TBXAS1: variants seen among roughly 807,000 people sequenced by gnomAD.
TBXAS1 encodes the protein thromboxane-A synthase.
TBXAS1 carries 48 observed loss-of-function variants against 60.7 expected under a neutral mutation model. The ratio of observed to expected loss-of-function variants is 0.79; its 90% CI spans 0.63 to 1.01. The LOEUF is 1.01. Ranked by LOEUF, TBXAS1 falls within the 50% of genes least tolerant of loss-of-function variation. The probability of loss-of-function intolerance (pLI) is 0.00; values close to 1 mark genes in which losing one functional copy is unlikely to be tolerated. For synonymous variants in TBXAS1, 287 were observed against 269.7 expected (o/e 1.06, Z -0.63); for missense variants, 685 against 686.3 (o/e 1.00, Z 0.02).
intron 9 of TBXAS1, among the ~76,000 whole-genome samples, chr7:139,991,127 G>A (rs556838653): frequency 3.9e-5 from 6 of 152,250 alleles, no homozygotes; most frequent in East Asian, 3.9e-4. Context: ...CCAATAAAAC[G>A]GCACTAAATG....
chr7:140,018,584 C>A (rs1469232178), intron 12 of TBXAS1, among the ~76,000 whole-genome samples: 3 of 152,306 alleles, frequency 2.0e-5, no homozygotes, highest in East Asian at 3.9e-4. Flanking sequence ...ACTCCAGAAC[C>A]AGCAGACCAA....
intron 1 of TBXAS1, among the ~76,000 whole-genome samples, chr7:139,780,236 C>G (rs1796940166): frequency 6.6e-6 from 1 of 152,256 alleles, no homozygotes; most frequent in African/African-American, 2.4e-5. Context: ...ATGCATGTCT[C>G]TCTGCCCCTT....
At chr7:139,918,683 G>A (rs1308690487) in intron 4 of TBXAS1, among the ~76,000 whole-genome samples, 1 of 152,174 alleles carries the variant, frequency 6.6e-6, no homozygotes, top group Admixed American at 6.5e-5. Flanking sequence ...ACTCCGTCAG[G>A]CAGGACTGCC....
chr7:139,839,005 G>T (rs576625821), intron 1 of TBXAS1, among the ~76,000 whole-genome samples: 1 of 152,320 alleles, frequency 6.6e-6, no homozygotes, highest in South Asian at 2.1e-4. Context: ...TGAGTTGTAC[G>T]AGTTGAACGT....
Position 139,853,510 on chromosome 7 carries a change from T to A in TBXAS1, c.90-18725T>A, listed in dbSNP as rs568645983. Among the ~76,000 whole-genome samples, 51 of 152,304 alleles carry A rather than the reference T, an allele frequency of 3.3e-4. No homozygotes were observed. In the South Asian group the frequency reaches 9.7e-3, roughly 29 times the overall value. On this transcript the variant is annotated intron_variant, in intron 1 of 12. Transcript: ENST00000448866. ...CAAAACGGAGATAATAATAACAGCATGTTCCACACAGAATTTGGGGAGGAG... is the reference window on the plus strand; with the variant it reads ...CAAAACGGAGATAATAATAACAGCAAGTTCCACACAGAATTTGGGGAGGAG...
intron 4 of TBXAS1, among the ~76,000 whole-genome samples, chr7:139,925,679 T>C (rs1027195909): frequency 4.6e-5 from 7 of 152,238 alleles, no homozygotes; most frequent in South Asian, 2.1e-4. Context: ...TCCAGTACTA[T>C]GTTGAATAAC....
chr7:140,007,646 G>A (rs1338965958), intron 10 of TBXAS1, among the ~76,000 whole-genome samples: 1 of 152,108 alleles, frequency 6.6e-6, no homozygotes, highest in Non-Finnish European at 1.5e-5. Context: ...AGTCCTGGGA[G>A]CTCCTTCCTG....
At chr7:139,960,698 A>G (rs1180579061) in intron 8 of TBXAS1, among the ~76,000 whole-genome samples, 2 of 151,638 alleles carry the variant, frequency 1.3e-5, no homozygotes, top group Non-Finnish European at 2.9e-5. Context: ...GTGAGCCAAG[A>G]TCACACCATT....
At chr7:139,822,023 C>T (rs1228939440) in intron 4 of TBXAS1, among the ~76,000 whole-genome samples, 2 of 152,198 alleles carry the variant, frequency 1.3e-5, no homozygotes, top group Admixed American at 1.3e-4. Flanking sequence ...CTAATCAGGC[C>T]ACACGAGGAA....
intron 9 of TBXAS1, among the ~76,000 whole-genome samples, chr7:139,995,298 C>T (rs1299532320): frequency 6.6e-6 from 1 of 152,144 alleles, no homozygotes; most frequent in African/African-American, 2.4e-5. Flanking sequence ...ACCATTTCCC[C>T]AAACAGCTAG....
intron 1 of TBXAS1, among the ~76,000 whole-genome samples, chr7:139,857,302 T>C (rs1222997346): frequency 6.6e-6 from 1 of 152,230 alleles, no homozygotes; most frequent in Non-Finnish European, 1.5e-5. Context: ...CATATAATAT[T>C]CTGTTTAAAT....
At chr7:139,866,524 C>T (rs6963226) in intron 1 of TBXAS1, among the ~76,000 whole-genome samples, 47 of 150,390 alleles carry the variant, frequency 3.1e-4, no homozygotes, top group African/African-American at 1.1e-3. Context: ...GAGGCTGAGG[C>T]AGGCAGATCG....
intron 6 of TBXAS1, among the ~76,000 whole-genome samples, 189 bp from the exon 7 acceptor site, chr7:139,955,270 C>T (rs1040946241): frequency 1.9e-4 from 29 of 152,168 alleles, no homozygotes; most frequent in Admixed American, 1.9e-3. Context: ...CGTCACTGCT[C>T]AGAGTGCCCC....
chr7:139,951,138 G>A (rs181339509), intron 5 of TBXAS1, among the ~76,000 whole-genome samples: 1 of 152,114 alleles, frequency 6.6e-6, no homozygotes, highest in East Asian at 1.9e-4. Flanking sequence ...GACAACTAGT[G>A]CCTTTCTAAT....
chr7:139,829,291 T>C lies in TBXAS1; in HGVS notation c.-100T>C. On this transcript the variant is annotated 5_prime_UTR_variant, in exon 1 of 13. Coordinates refer to ENST00000448866, the MANE Select transcript of TBXAS1 (RefSeq NM_001061.7). Reference sequence around the variant, plus strand: ...TCCATGTGATGTTTGCTTGGTTGCCTGTTCCCTTTTCTACCTGCAGAGCAC... The same window carrying C: ...TCCATGTGATGTTTGCTTGGTTGCCCGTTCCCTTTTCTACCTGCAGAGCAC... 9.3e-7 allele frequency: 1 copy of C among 1,076,568 alleles called. No individual in the cohort carries two copies. 66.7% of individuals were successfully genotyped at this position (1,076,568 alleles called of 1,614,324 possible). A position where few individuals can be genotyped will look rare whatever the true frequency, so the allele number is the denominator to read the frequency against.
At chr7:139,954,901 C>T (rs1809715666) in intron 6 of TBXAS1, among the ~76,000 whole-genome samples, 1 of 152,174 alleles carries the variant, frequency 6.6e-6, no homozygotes, top group Admixed American at 6.5e-5. Context: ...AGAGCCCTTG[C>T]TTTTTGTTCA....
intron 9 of TBXAS1, among the ~76,000 whole-genome samples, chr7:139,990,981 GACAAAAGAA>G (rs1812855857): frequency 6.6e-6 from 1 of 152,180 alleles, no homozygotes; most frequent in African/African-American, 2.4e-5. Context: ...GAGACACGAA[GACAAAAGAA>G]ACAAATGATT....
chr7:140,010,960 C>T (rs149419726), intron 10 of TBXAS1, among the ~76,000 whole-genome samples: 1,593 of 149,182 alleles, frequency 0.011, 37 homozygotes, highest in African/African-American at 0.036. Flanking sequence ...CATGCTTATA[C>T]AAACAAAACA....
Position 139,839,335 on chromosome 7 carries a change from G to A in TBXAS1, c.89+9856G>A, listed in dbSNP as rs774533937. Among the ~76,000 whole-genome samples the A allele has an allele frequency of 2.4e-4, 37 of 152,274 alleles. 1 individual carries two copies. In the Middle Eastern group the frequency reaches 0.01, roughly 42 times the overall value. On this transcript the variant is annotated intron_variant, in intron 1 of 12. Coordinates refer to ENST00000448866, the MANE Select transcript of TBXAS1 (RefSeq NM_001061.7). ...GGGAAAGCAGTTTCATGCTTTAGGC[G>A]TGAGGTTTCAGGACTGTAGTCTAAT...
Sources: allele counts gnomAD v4.1 joint callset (sites outside exome capture counted in the v4.1 genomes callset), GRCh38; gene constraint gnomAD v4.1.1; transcripts MANE v1.5; gene names NCBI Gene and HGNC (gene_info 2026-07-23, HGNC 2026-07-21).